STPG2: variants seen among roughly 807,000 people sequenced by gnomAD.
STPG2 encodes the protein sperm tail PG-rich repeat containing 2.
STPG2 carries 56 observed loss-of-function variants against 54.2 expected under a neutral mutation model. That is an observed-to-expected ratio of 1.03 (90% CI 0.83 to 1.29). STPG2 has a LOEUF of 1.29. Ranked by LOEUF, STPG2 falls within the 50% of genes most tolerant of loss-of-function variation. The pLI, the probability that STPG2 is intolerant of heterozygous loss-of-function variation, is 0.00. For missense variants in STPG2, 596 were observed against 544.9 expected, an observed-to-expected ratio of 1.09 and a Z score of -0.93; for synonymous variants, 200 against 181.8, an observed-to-expected ratio of 1.10 and a Z score of -0.81.
intron 4 of STPG2, among the ~76,000 whole-genome samples, chr4:97,538,969 A>C (rs1236785311): frequency 6.6e-6 from 1 of 152,186 alleles, no homozygotes; most frequent in Non-Finnish European, 1.5e-5. Flanking sequence ...GAGAAATAAA[A>C]TCCTTTACAG....
intron 10 of STPG2, among the ~76,000 whole-genome samples, chr4:97,565,847 G>C (rs1732418104): frequency 6.6e-6 from 1 of 151,988 alleles, no homozygotes; most frequent in South Asian, 2.1e-4. Context: ...GCCGCTACTG[G>C]GGGGTGCCTC....
At chr4:97,467,629 C>A (rs538691490) in intron 4 of STPG2, among the ~76,000 whole-genome samples, 1 of 151,904 alleles carries the variant, frequency 6.6e-6, no homozygotes, top group Non-Finnish European at 1.5e-5. Context: ...TGACTATACT[C>A]AAAATGGAAA....
intron 1 of STPG2, among the ~76,000 whole-genome samples, chr4:98,135,312 T>A (rs1740107286): frequency 6.6e-6 from 1 of 151,772 alleles, no homozygotes; most frequent in Non-Finnish European, 1.5e-5. Flanking sequence ...AAAGATACTC[T>A]ATTTAAAATA....
At chr4:97,972,249 A>G in intron 7 of STPG2, 31 bp downstream of exon 7, 1 of 1,433,646 alleles carries the variant, frequency 7.0e-7, no homozygotes, top group Non-Finnish European at 9.4e-7. Context: ...TATTCAACAT[A>G]AAGAATATTA....
chr4:98,094,773 T>C (rs905044064), intron 5 of STPG2, among the ~76,000 whole-genome samples: 17 of 152,102 alleles, frequency 1.1e-4, no homozygotes, highest in African/African-American at 3.9e-4. Flanking sequence ...CCTCTGCCTG[T>C]GGAAAGGGGA....
At chr4:97,951,243 T>G (rs773113754) in intron 7 of STPG2, among the ~76,000 whole-genome samples, 2 of 152,090 alleles carry the variant, frequency 1.3e-5, no homozygotes, top group African/African-American at 2.4e-5. Context: ...ATAATAAAAC[T>G]CTGGTCTCTC....
At chr4:97,450,265 T>C (rs1043086834) in intron 4 of STPG2, among the ~76,000 whole-genome samples, 1 of 152,204 alleles carries the variant, frequency 6.6e-6, no homozygotes, top group Non-Finnish European at 1.5e-5. Flanking sequence ...CTTCCACTTA[T>C]TCCCTCCTTC....
intron 10 of STPG2, among the ~76,000 whole-genome samples, chr4:97,701,138 T>A (rs1044508080): frequency 9.2e-5 from 14 of 152,262 alleles, no homozygotes; most frequent in Middle Eastern, 6.8e-3. Flanking sequence ...GAGGCAGCTC[T>A]TAATGCCTTC....
chr4:97,599,440 T>C (rs1429558891), intron 10 of STPG2, among the ~76,000 whole-genome samples: 3 of 152,308 alleles, frequency 2.0e-5, no homozygotes, highest in Non-Finnish European at 4.4e-5. Flanking sequence ...TAAAGACATA[T>C]GCATACATAT....
At chr4:97,841,308 G>A (rs1728795248) in intron 8 of STPG2, among the ~76,000 whole-genome samples, 1 of 151,596 alleles carries the variant, frequency 6.6e-6, no homozygotes, top group African/African-American at 2.4e-5. Context: ...TGTTGTAAGT[G>A]AACATTGTTT....
At chr4:97,545,591 T>C (rs1294432620) in intron 4 of STPG2, among the ~76,000 whole-genome samples, 1 of 152,104 alleles carries the variant, frequency 6.6e-6, no homozygotes, top group Non-Finnish European at 1.5e-5. Flanking sequence ...AGAGGTTAAT[T>C]ACCAGGGTTA....
chr4:98,048,611 G>A (rs1038990599), intron 5 of STPG2: 4 of 171,284 alleles, frequency 2.3e-5, no homozygotes, highest in Non-Finnish European at 5.2e-5. Context: ...CCAGCCCTGC[G>A]GAGGAGAGTG....
At chr4:97,785,849 AC>A (rs1405722811) in intron 9 of STPG2, among the ~76,000 whole-genome samples, 1 of 151,968 alleles carries the variant, frequency 6.6e-6, no homozygotes, top group Non-Finnish European at 1.5e-5. Flanking sequence ...CAAAAAAAAA[AC>A]TATATGAGTT....
intron 4 of STPG2, among the ~76,000 whole-genome samples, chr4:97,533,502 C>T (rs1294796892): frequency 1.3e-5 from 2 of 151,878 alleles, no homozygotes; most frequent in Non-Finnish European, 2.9e-5. Context: ...TATAAACATC[C>T]ATATCACCAT....
At chr4:97,898,734 T>C (rs931210331) in intron 8 of STPG2, among the ~76,000 whole-genome samples, 3 of 151,712 alleles carry the variant, frequency 2.0e-5, no homozygotes, top group East Asian at 1.9e-4. Context: ...GAAAGAATCA[T>C]ATATTTAGAA....
intron 8 of STPG2, among the ~76,000 whole-genome samples, chr4:97,857,327 C>T (rs1729368352): frequency 6.6e-6 from 1 of 152,130 alleles, no homozygotes; most frequent in South Asian, 2.1e-4. Flanking sequence ...ATCACTGCCT[C>T]AATTTCAGAA....
At chr4:97,949,974 T>A (rs968024472) in intron 7 of STPG2, among the ~76,000 whole-genome samples, 7 of 152,134 alleles carry the variant, frequency 4.6e-5, no homozygotes, top group African/African-American at 1.4e-4. Context: ...GCCAGGGAAG[T>A]TTTCCTCAAT....
chr4:97,921,567 C>A (rs550191370), intron 8 of STPG2, among the ~76,000 whole-genome samples: 1 of 151,368 alleles, frequency 6.6e-6, no homozygotes, highest in African/African-American at 2.4e-5. Flanking sequence ...AATTAGTGAG[C>A]ATGAAGATAG....
At chr4:97,517,333 G>A (rs1027467279) in intron 4 of STPG2, among the ~76,000 whole-genome samples, 1 of 152,102 alleles carries the variant, frequency 6.6e-6, no homozygotes, top group Non-Finnish European at 1.5e-5. Context: ...AACAAAGCAA[G>A]ACCCTGTATC....
Sources: gnomAD v4.1 joint callset for allele counts (sites outside exome capture counted in the v4.1 genomes callset) on GRCh38, gnomAD v4.1.1 for gene constraint, MANE v1.5 for transcripts, NCBI Gene and HGNC (gene_info 2026-07-23, HGNC 2026-07-21) for gene names.